The following RALGDS variants were observed in gnomAD, a reference collection of about 807,000 sequenced individuals.
RALGDS encodes the protein ral guanine nucleotide exchange factor.
A neutral mutation model predicts 99.8 loss-of-function variants in RALGDS; 44 were observed. The observed-to-expected ratio is 0.44, with a 90% CI of 0.35 to 0.57. RALGDS has a LOEUF of 0.57. Among genes scored for constraint, RALGDS ranks in the 20% least tolerant of loss-of-function variants. The probability of loss-of-function intolerance (pLI) is 0.01; values close to 1 mark genes in which losing one functional copy is unlikely to be tolerated. For synonymous variants in RALGDS, 529 were observed against 505.0 expected, an observed-to-expected ratio of 1.05 and a Z score of -0.64; for missense variants, 1,022 against 1,203.1, an observed-to-expected ratio of 0.85 and a Z score of 2.23.
upstream of RALGDS, among the ~76,000 whole-genome samples, chr9:133,133,800 C>G (rs1259094698): frequency 6.6e-6 from 1 of 152,226 alleles, no homozygotes; most frequent in Non-Finnish European, 1.5e-5. Flanking sequence ...ACACACAAGC[C>G]CAGGCTAGCA....
chr9:133,131,196 G>T, upstream of RALGDS: 1 of 1,222,372 alleles, frequency 8.2e-7, no homozygotes, highest in Non-Finnish European at 1.0e-6. Context: ...GGGCCTTAGG[G>T]GACCCAGCTG....
intron 8 of RALGDS, 44 bp from the exon 9 acceptor site, chr9:133,106,060 G>A (rs1272570708): frequency 3.3e-5 from 50 of 1,494,120 alleles, no homozygotes; most frequent in Non-Finnish European, 4.5e-5. Flanking sequence ...GGGAATGGTA[G>A]GGAGGGGTGT....
At chr9:133,103,198 T>C (rs1385006226) in intron 12 of RALGDS, 32 bp downstream of exon 12, 3 of 1,613,406 alleles carry the variant, frequency 1.9e-6, no homozygotes, top group Admixed American at 3.3e-5. Flanking sequence ...TTTCCACCCC[T>C]CCCCAAGTCA....
Position 133,101,747 on chromosome 9 carries a change from A to C in RALGDS, c.2227T>G (p.Ser743Ala), listed in dbSNP as rs1830766941. 2 of 1,610,508 alleles carry C rather than the reference A, an allele frequency of 1.2e-6. No homozygotes were observed. The highest frequency in any genetic ancestry group is 1.7e-5 in the Admixed American group (1 of 59,232). The change falls in exon 16 of 18, where the codon TCA becomes GCA. Residue 743 changes from serine (S) to alanine (A), a missense_variant. This residue lies in a region of RALGDS where 825 missense variants were observed against 994.5 expected (regional missense o/e 0.83). Coordinates refer to ENST00000372050, the MANE Select transcript of RALGDS (RefSeq NM_006266.4). ...CCGGAGGTCTCCGGGGATGACTGTGAGGCTGATTCCCAGAACTGAGGGAGA... is the reference window on the plus strand; with the variant it reads ...CCGGAGGTCTCCGGGGATGACTGTGCGGCTGATTCCCAGAACTGAGGGAGA... Reference protein sequence around the residue: ...GQEKKFWESASQSSPETSGIS... With the variant: ...GQEKKFWESAAQSSPETSGIS...
chr9:133,140,581 C>T (rs995392250), intron 1 of RALGDS, among the ~76,000 whole-genome samples: 2 of 152,200 alleles, frequency 1.3e-5, no homozygotes, highest in East Asian at 1.9e-4. Flanking sequence ...CAGTGGGTCC[C>T]GGCCCCCCTT....
chr9:133,112,120 G>T lies in RALGDS; in HGVS notation c.216C>A (p.Ile72=). Residue 72 remains isoleucine (I), a synonymous_variant, in exon 2 of 18, where the codon ATC becomes ATA. Coordinates refer to ENST00000372050, the MANE Select transcript of RALGDS (RefSeq NM_006266.4). The part of the protein sequence containing the change: ...SSTQEIGEEL[I]NGVIYSISLR... ...GGGAGATGGAGTAGATGACTCCGTTGATCAGCTCCTCACCGATCTCCTGCG... is the reference window on the plus strand; with the variant it reads ...GGGAGATGGAGTAGATGACTCCGTTTATCAGCTCCTCACCGATCTCCTGCG... 6.3e-7 allele frequency: 1 copy of T among 1,578,832 alleles called. No individual in the cohort carries two copies. The highest frequency in any genetic ancestry group is 8.6e-7 in the Non-Finnish European group (1 of 1,161,404).
chr9:133,099,635 T>TACACAC (rs1554737742), intron 17 of RALGDS: 1 of 13,028 alleles, frequency 7.7e-5, no homozygotes, highest in African/African-American at 1.1e-4. Flanking sequence ...TGCATATATA[T>TACACAC]ACACATATAT....
At position 133,148,018 on chromosome 9, in the gene RALGDS, C is replaced by G. The variant is rs142059978; in HGVS notation, c.18+945G>C. ...CCACAAGAGTTGTCCAGTGCTTGGCCACGCTCTGCACCACCCCAGGCCCTC... is the reference window on the plus strand; with the variant it reads ...CCACAAGAGTTGTCCAGTGCTTGGCGACGCTCTGCACCACCCCAGGCCCTC... On this transcript the variant is annotated intron_variant, in intron 1 of 17. Transcript: ENST00000393160. 7.2e-5 allele frequency among the ~76,000 whole-genome samples: 11 copies of G among 152,312 alleles called. No homozygotes were observed. In the East Asian group the frequency reaches 2.1e-3, roughly 29 times the overall value.
chr9:133,104,057 C>T (rs1347876966), intron 10 of RALGDS, among the ~76,000 whole-genome samples: 2 of 152,220 alleles, frequency 1.3e-5, no homozygotes, highest in Non-Finnish European at 2.9e-5. Context: ...CAGCCCCACA[C>T]CCGCCTGAGC....
chr9:133,129,359 G>A (rs1323343662), intron 1 of RALGDS: 2 of 1,522,942 alleles, frequency 1.3e-6, no homozygotes, highest in African/African-American at 2.8e-5. Flanking sequence ...CCTGCGGGAG[G>A]CCCTCTGCCA....
At chr9:133,127,912 G>A (rs111344140) in intron 1 of RALGDS, among the ~76,000 whole-genome samples, 91 of 152,360 alleles carry the variant, frequency 6.0e-4, no homozygotes, top group African/African-American at 2.1e-3. Flanking sequence ...TGCCGATGCC[G>A]GGAGCAGTGC....
chr9:133,117,174 T>A lies in RALGDS; in HGVS notation c.183+3798A>T, dbSNP rs568567324. On this transcript the variant is annotated intron_variant, in intron 1 of 17. Transcript: ENST00000372050. ...CAGAAAACCTCATTGTGGCAGCTGC[T>A]ACCTGTCCACTGTGCCAAGTGCTGT... Among the ~76,000 whole-genome samples, 295 of 152,312 alleles carry A rather than the reference T, an allele frequency of 1.9e-3. 3 individuals are homozygous for A. Among genetic ancestry groups the A allele is most frequent in the Middle Eastern group, 6.8e-3 (2 of 294 alleles).
At chr9:133,143,274 C>T (rs1041388772) in intron 1 of RALGDS, among the ~76,000 whole-genome samples, 9 of 152,254 alleles carry the variant, frequency 5.9e-5, no homozygotes, top group African/African-American at 2.2e-4. Flanking sequence ...GAGCCTTCCA[C>T]AGAAGCCAGG....
intron 1 of RALGDS, among the ~76,000 whole-genome samples, chr9:133,113,129 G>A (rs762379281): frequency 2.8e-4 from 43 of 152,294 alleles, no homozygotes; most frequent in Admixed American, 1.0e-3. Context: ...AGCTTGCAGC[G>A]GGTAGAGGAG....
rs1251250135 is a variant in RALGDS at position 133,144,439 on chromosome 9, C to A, written c.18+4524G>T. Among the ~76,000 whole-genome samples the A allele has an allele frequency of 6.6e-6, 1 of 152,210 alleles. No homozygotes were observed. The highest frequency in any genetic ancestry group is 1.5e-5 in the Non-Finnish European group (1 of 68,036). On this transcript the variant is annotated intron_variant, in intron 1 of 17. Coordinates refer to the RALGDS transcript ENST00000393160. This position sits in a 1 kb window ranked among gnomAD's most constrained non-coding sequence, Gnocchi z 4.5. ...CGCCACCCAGTCACCCCGCCTCGGC[C>A]CCGCCTGGTTTGATTTCCTCCCGTG...
chr9:133,102,364 C>T (rs1830796942), intron 14 of RALGDS, 112 bp downstream of exon 14: 3 of 1,274,262 alleles, frequency 2.4e-6, no homozygotes, highest in Non-Finnish European at 1.1e-6. Context: ...GGCCAGTCAG[C>T]AGCAGGGTAG....
rs574376968 is a variant in RALGDS, at chr9:133,113,777, G to C, written c.184-1625C>G. Among the ~76,000 whole-genome samples the C allele has an allele frequency of 5.7e-4, 87 of 152,340 alleles. 1 individual carries two copies. The South Asian group carries it at 0.016, about 27-fold the overall frequency. On this transcript the variant is annotated intron_variant, in intron 1 of 17. Transcript: ENST00000372050. ...TCCTGTGAAGGCCGTTGGCTCAGCT[G>C]GGAGTCTCTCTCTCTCCCAGGGATT...
intron 1 of RALGDS, among the ~76,000 whole-genome samples, chr9:133,137,009 C>A (rs977032844): frequency 6.6e-6 from 1 of 151,754 alleles, no homozygotes; most frequent in Admixed American, 6.6e-5. Context: ...CCGAGGCGGG[C>A]GGATCACTTG....
chr9:133,148,918 C>A (rs762498538), intron 1 of RALGDS: 1 of 1,595,640 alleles, frequency 6.3e-7, no homozygotes, highest in South Asian at 1.1e-5. Context: ...GGCATACGGT[C>A]CTCCCTCCAC....
Sources: allele counts gnomAD v4.1 joint callset (sites outside exome capture counted in the v4.1 genomes callset), GRCh38; gene constraint gnomAD v4.1.1; regional missense constraint gnomAD v4.1.1; non-coding constraint Gnocchi (gnomAD v3.1); transcripts MANE v1.5; gene names NCBI Gene and HGNC (gene_info 2026-07-23, HGNC 2026-07-21).